The following DACH1 variants were observed in gnomAD, a reference collection of about 807,000 sequenced individuals.
The protein encoded by DACH1 is dachshund homolog 1.
A neutral mutation model predicts 54.2 loss-of-function variants in DACH1; 12 were observed. The ratio of observed to expected loss-of-function variants is 0.22; its 90% CI spans 0.14 to 0.36. The LOEUF (loss-of-function observed/expected upper bound fraction) is 0.36, where lower values mean the gene tolerates loss of function less well. DACH1 is among the 10% of genes least tolerant of loss of function. DACH1 has a pLI of 1.00. For synonymous variants in DACH1, 386 were observed against 366.2 expected, an observed-to-expected ratio of 1.05 and a Z score of -0.62; for missense variants, 805 against 929.8, an observed-to-expected ratio of 0.87 and a Z score of 1.75.
chr13:71,820,105 G>GGAA (rs529643730), intron 1 of DACH1, among the ~76,000 whole-genome samples: 1 of 54,122 alleles, frequency 1.8e-5, no homozygotes, highest in East Asian at 6.5e-4. Context: ...TGCCTCTACC[G>GGAA]AAAAAAAAAA....
intron 1 of DACH1, among the ~76,000 whole-genome samples, chr13:71,695,955 G>A (rs779630793): frequency 6.6e-6 from 1 of 152,204 alleles, no homozygotes; most frequent in African/African-American, 2.4e-5. Flanking sequence ...CTCATACTTA[G>A]GAAGTGATAG....
intron 1 of DACH1, among the ~76,000 whole-genome samples, chr13:71,716,225 T>C (rs937820413): frequency 1.3e-5 from 2 of 152,094 alleles, no homozygotes; most frequent in African/African-American, 4.8e-5. Context: ...CACTCTCTTC[T>C]TCATTCACAT....
chr13:71,535,937 C>T (rs918994737), intron 6 of DACH1, among the ~76,000 whole-genome samples: 1 of 151,856 alleles, frequency 6.6e-6, no homozygotes, highest in Non-Finnish European at 1.5e-5. Context: ...GAAAATTTCC[C>T]ACCAAACTTG....
intron 1 of DACH1, among the ~76,000 whole-genome samples, chr13:71,747,379 G>A (rs1440300336): frequency 1.3e-5 from 2 of 152,116 alleles, no homozygotes; most frequent in East Asian, 3.9e-4. Context: ...AGAAGTTCAA[G>A]ACCAGCCTGG....
intron 3 of DACH1, among the ~76,000 whole-genome samples, chr13:71,614,625 A>G (rs1875614039): frequency 6.6e-6 from 1 of 152,134 alleles, no homozygotes; most frequent in African/African-American, 2.4e-5. Flanking sequence ...AGGCCAAGGC[A>G]GGAGGATCAC....
chr13:71,441,133 T>C (rs567149402), intron 10 of DACH1, among the ~76,000 whole-genome samples: 1 of 152,080 alleles, frequency 6.6e-6, no homozygotes, highest in Non-Finnish European at 1.5e-5. Context: ...AAATATACCA[T>C]GTAATGTAAC....
intron 1 of DACH1, among the ~76,000 whole-genome samples, chr13:71,766,358 G>A (rs1046253688): frequency 6.6e-6 from 1 of 152,280 alleles, no homozygotes; most frequent in East Asian, 1.9e-4. Flanking sequence ...TTCAGCTCTT[G>A]AGATTCTTAA....
At chr13:71,672,434 A>G (rs1319496932) in intron 2 of DACH1, among the ~76,000 whole-genome samples, 1 of 152,124 alleles carries the variant, frequency 6.6e-6, no homozygotes, top group Non-Finnish European at 1.5e-5. Context: ...CATCTTTACA[A>G]AGGACAGAGT....
intron 10 of DACH1, 114 bp from the exon 11 acceptor site, chr13:71,440,806 G>A (rs1873946589): frequency 8.0e-6 from 6 of 751,438 alleles, no homozygotes; most frequent in Non-Finnish European, 1.1e-5. Flanking sequence ...ATCTTTACTT[G>A]GTTAAGAAGT....
chr13:71,840,839 G>C (rs1872790825), intron 1 of DACH1, among the ~76,000 whole-genome samples: 1 of 152,142 alleles, frequency 6.6e-6, no homozygotes, highest in Non-Finnish European at 1.5e-5. Flanking sequence ...AGATTTCCAA[G>C]ATGGATGTGA....
intron 1 of DACH1, among the ~76,000 whole-genome samples, chr13:71,856,056 A>G (rs2138277089): frequency 1.3e-5 from 2 of 152,094 alleles, no homozygotes; most frequent in South Asian, 4.1e-4. Context: ...CTTTGGCTTA[A>G]CTGTGAAATA....
At chr13:71,483,742 T>A (rs1038201655) in intron 7 of DACH1, among the ~76,000 whole-genome samples, 5 of 152,112 alleles carry the variant, frequency 3.3e-5, no homozygotes, top group South Asian at 4.1e-4. Flanking sequence ...TATATGATGG[T>A]GGTCCCATAA....
chr13:71,459,741 A>C (rs1326392313), intron 10 of DACH1, among the ~76,000 whole-genome samples: 2 of 152,004 alleles, frequency 1.3e-5, no homozygotes, highest in Non-Finnish European at 2.9e-5. Context: ...CAATACTGAA[A>C]AACAAGATTT....
intron 1 of DACH1, among the ~76,000 whole-genome samples, chr13:71,787,899 A>G (rs1886672824): frequency 6.6e-6 from 1 of 152,186 alleles, no homozygotes; most frequent in African/African-American, 2.4e-5. Context: ...CATGTCAATA[A>G]ACAAAAGATA....
intron 3 of DACH1, among the ~76,000 whole-genome samples, chr13:71,613,955 C>T (rs73215213): frequency 0.016 from 2,480 of 152,076 alleles, 33 homozygotes; most frequent in Middle Eastern, 0.048. Context: ...CAAAAAGTAC[C>T]GGGATTACAG....
At chr13:71,452,128 T>A (rs980148175) in intron 10 of DACH1, among the ~76,000 whole-genome samples, 1 of 152,134 alleles carries the variant, frequency 6.6e-6, no homozygotes, top group Non-Finnish European at 1.5e-5. Flanking sequence ...TTTTTTGTAT[T>A]GTTTTGTTTT....
chr13:71,572,813 A>C, intron 4 of DACH1, 27 bp downstream of exon 4: 2 of 1,597,972 alleles, frequency 1.3e-6, no homozygotes, highest in South Asian at 2.3e-5. Context: ...TGAACATGCC[A>C]AAATAATTGT....
intron 2 of DACH1, among the ~76,000 whole-genome samples, chr13:71,632,413 C>A (rs888938269): frequency 1.9e-3 from 273 of 141,556 alleles, no homozygotes; most frequent in African/African-American, 6.7e-3. Flanking sequence ...CCCAACCCCA[C>A]CCATTTTTTT....
intron 6 of DACH1, among the ~76,000 whole-genome samples, chr13:71,542,645 T>C (rs1883211418): frequency 6.6e-6 from 1 of 152,144 alleles, no homozygotes; most frequent in Admixed American, 6.6e-5. Context: ...ACCACTGCCA[T>C]GATTTCCAGA....
Sources: gnomAD v4.1 joint callset for allele counts (sites outside exome capture counted in the v4.1 genomes callset) on GRCh38, gnomAD v4.1.1 for gene constraint, MANE v1.5 for transcripts, NCBI Gene and HGNC (gene_info 2026-07-23, HGNC 2026-07-21) for gene names.